GUCY1A2: variants seen among roughly 807,000 people sequenced by gnomAD.
The protein encoded by GUCY1A2 is guanylate cyclase soluble subunit alpha-2.
GUCY1A2 carries 27 observed loss-of-function variants against 63.5 expected under a neutral mutation model. That is an observed-to-expected ratio of 0.43 (90% CI 0.31 to 0.59). GUCY1A2 has a LOEUF of 0.59. GUCY1A2 is among the 20% of genes least tolerant of loss of function. The pLI, the probability that GUCY1A2 is intolerant of heterozygous loss-of-function variation, is 0.11. For missense variants in GUCY1A2, 768 were observed against 913.3 expected, an observed-to-expected ratio of 0.84 and a Z score of 2.05; for synonymous variants, 364 against 343.5, an observed-to-expected ratio of 1.06 and a Z score of -0.66.
At chr11:106,850,991 T>A (rs1859346092) in intron 4 of GUCY1A2, among the ~76,000 whole-genome samples, 1 of 151,946 alleles carries the variant, frequency 6.6e-6, no homozygotes, top group Non-Finnish European at 1.5e-5. Context: ...CTCTGCATCT[T>A]TGCCAGCATT....
chr11:106,795,080 C>A (rs1864730349), intron 5 of GUCY1A2, among the ~76,000 whole-genome samples: 1 of 152,170 alleles, frequency 6.6e-6, no homozygotes, highest in Admixed American at 6.6e-5. Flanking sequence ...TCAACTGCAA[C>A]AAATATGTGA....
chr11:106,946,139 A>C (rs937078093), intron 3 of GUCY1A2, among the ~76,000 whole-genome samples: 1 of 152,190 alleles, frequency 6.6e-6, no homozygotes, highest in Non-Finnish European at 1.5e-5. Flanking sequence ...CTATTCTAAA[A>C]GTTTCTTCTT....
At chr11:106,735,206 T>G (rs973163114) in intron 6 of GUCY1A2, among the ~76,000 whole-genome samples, 9 of 152,256 alleles carry the variant, frequency 5.9e-5, no homozygotes, top group South Asian at 4.1e-4. Context: ...CTAGTCACCC[T>G]GTTGTGCTAT....
At chr11:106,871,665 A>G (rs1859679727) in intron 4 of GUCY1A2, among the ~76,000 whole-genome samples, 1 of 152,206 alleles carries the variant, frequency 6.6e-6, no homozygotes, top group Non-Finnish European at 1.5e-5. Flanking sequence ...ATTTCCAAAT[A>G]AAGTCACATT....
At chr11:106,827,159 T>C in intron 4 of GUCY1A2, 1 of 1,498,306 alleles carries the variant, frequency 6.7e-7, no homozygotes. Context: ...TTTGTTCCTT[T>C]AAGATTCAAG....
At chr11:106,855,842 G>T (rs1181420352) in intron 4 of GUCY1A2, among the ~76,000 whole-genome samples, 2 of 152,028 alleles carry the variant, frequency 1.3e-5, no homozygotes, top group Admixed American at 6.5e-5. Flanking sequence ...AAATCAGAAA[G>T]TATTAGTCCT....
intron 4 of GUCY1A2, among the ~76,000 whole-genome samples, chr11:106,928,213 G>A (rs1860554432): frequency 6.6e-6 from 1 of 152,138 alleles, no homozygotes; most frequent in Non-Finnish European, 1.5e-5. Context: ...TGGATGGAAG[G>A]ATTTCTGAAG....
intron 1 of GUCY1A2, among the ~76,000 whole-genome samples, chr11:107,016,126 G>T (rs7101706): frequency 0.014 from 2,056 of 152,286 alleles, 30 homozygotes; most frequent in South Asian, 0.044. Context: ...TCCCCTCAGG[G>T]TTCCACTCCT....
chr11:106,740,196 T>TA (rs1863668334), intron 6 of GUCY1A2, among the ~76,000 whole-genome samples: 2 of 151,894 alleles, frequency 1.3e-5, no homozygotes, highest in Admixed American at 1.3e-4. Context: ...GACGGAGTTT[T>TA]ACCATGTTGG....
chr11:106,787,285 C>G (rs1332070411), intron 5 of GUCY1A2, among the ~76,000 whole-genome samples: 2 of 151,598 alleles, frequency 1.3e-5, no homozygotes, highest in Non-Finnish European at 1.5e-5. Flanking sequence ...TAACCATCCC[C>G]ACTTCGCCAT....
intron 5 of GUCY1A2, among the ~76,000 whole-genome samples, chr11:106,800,711 G>A (rs1864859787): frequency 6.6e-6 from 1 of 152,038 alleles, no homozygotes; most frequent in African/African-American, 2.4e-5. Flanking sequence ...ACACAGGAAG[G>A]GGAACATCAC....
chr11:106,913,674 C>T (rs565557977), intron 4 of GUCY1A2, among the ~76,000 whole-genome samples: 4 of 152,126 alleles, frequency 2.6e-5, no homozygotes, highest in African/African-American at 9.6e-5. Flanking sequence ...CTTCAAAATA[C>T]AAATCCAGTA....
rs543385694 is a variant in GUCY1A2 at position 106,750,523 on chromosome 11, T to TA, written c.1836+25915dup. Among the ~76,000 whole-genome samples the TA allele has an allele frequency of 1.6e-3, 250 of 152,210 alleles. 1 individual carries two copies. The highest frequency in any genetic ancestry group is 2.9e-3 in the Non-Finnish European group (199 of 67,992). ...ATATTTTCATGAGCTATTACAAAGC[T>TA]AAAATTTTAAATTATTATGCAGTAA... On this transcript the variant is annotated intron_variant, in intron 6 of 7. Transcript: ENST00000526355.
intron 5 of GUCY1A2, among the ~76,000 whole-genome samples, chr11:106,779,656 G>A (rs1210276536): frequency 6.6e-6 from 1 of 151,508 alleles, no homozygotes. Context: ...TATCTTTTCA[G>A]AAAAAAAAAT....
intron 4 of GUCY1A2, among the ~76,000 whole-genome samples, chr11:106,921,086 T>C (rs867365786): frequency 3.9e-5 from 6 of 152,136 alleles, no homozygotes; most frequent in Non-Finnish European, 8.8e-5. Flanking sequence ...TTACATACTC[T>C]GCCTTACTCA....
intron 7 of GUCY1A2, among the ~76,000 whole-genome samples, chr11:106,698,267 A>G (rs1862757241): frequency 6.7e-6 from 1 of 149,016 alleles, no homozygotes; most frequent in Admixed American, 6.7e-5. Context: ...CTTTAGGCAC[A>G]TGCACCATGT....
intron 7 of GUCY1A2, among the ~76,000 whole-genome samples, chr11:106,708,090 T>C (rs1862948732): frequency 6.6e-6 from 1 of 151,846 alleles, no homozygotes; most frequent in Admixed American, 6.6e-5. Flanking sequence ...TTTATATATA[T>C]ATAAATTTAA....
chr11:106,823,241 C>T (rs919293893), intron 4 of GUCY1A2, among the ~76,000 whole-genome samples: 3 of 152,094 alleles, frequency 2.0e-5, no homozygotes, highest in Non-Finnish European at 4.4e-5. Flanking sequence ...CCTCAGAGCC[C>T]TCCTGCCTTC....
intron 1 of GUCY1A2, among the ~76,000 whole-genome samples, chr11:106,989,898 A>C (rs1266404671): frequency 6.6e-6 from 1 of 152,206 alleles, no homozygotes; most frequent in Non-Finnish European, 1.5e-5. Flanking sequence ...TCAAGACCCC[A>C]GGCATTTACT....
Sources: allele counts gnomAD v4.1 joint callset (sites outside exome capture counted in the v4.1 genomes callset), GRCh38; gene constraint gnomAD v4.1.1; transcripts MANE v1.5; gene names NCBI Gene and HGNC (gene_info 2026-07-23, HGNC 2026-07-21).